Variants in TUSC3 observed in about 807,000 individuals in gnomAD.
TUSC3 encodes dolichyl-diphosphooligosaccharide--protein glycosyltransferase subunit TUSC3.
TUSC3 carries 45 observed loss-of-function variants against 44.8 expected under a neutral mutation model. The observed-to-expected ratio is 1.00, with a 90% CI of 0.79 to 1.29. The LOEUF (loss-of-function observed/expected upper bound fraction) is 1.29. Among genes scored for constraint, TUSC3 ranks in the 50% most tolerant of loss-of-function variants. The pLI is 0.00. For synonymous variants in TUSC3, 212 were observed against 152.9 expected (o/e 1.39, Z -2.85); for missense variants, 519 against 437.9 (o/e 1.19, Z -1.65).
chr8:15,741,077 G>A (rs1290944871), intron 7 of TUSC3, among the ~76,000 whole-genome samples: 1 of 152,170 alleles, frequency 6.6e-6, no homozygotes, highest in East Asian at 1.9e-4. Context: ...ATACTTGGGT[G>A]ACCATAATTA....
At chr8:15,818,940 T>A in the TUSC3 span, among the ~76,000 whole-genome samples, 2 of 152,158 alleles carry the variant, frequency 1.3e-5, no homozygotes, top group African/African-American at 4.8e-5. Flanking sequence ...TCATTCCTTG[T>A]GGGTCTCGTG....
chr8:15,551,271 T>G (rs560478255), intron 1 of TUSC3, among the ~76,000 whole-genome samples: 1 of 151,734 alleles, frequency 6.6e-6, no homozygotes, highest in Non-Finnish European at 1.5e-5. Context: ...GAGTAGACTT[T>G]TAGATCCTTT....
At chr8:15,711,909 A>G (rs1424018611) in intron 6 of TUSC3, among the ~76,000 whole-genome samples, 1 of 151,886 alleles carries the variant, frequency 6.6e-6, no homozygotes. Context: ...TTTTTACTAT[A>G]GTTTCAGGAA....
At chr8:15,844,657 T>C in the TUSC3 span, among the ~76,000 whole-genome samples, 21,733 of 152,136 alleles carry the variant, frequency 0.14, 2,146 homozygotes, top group Non-Finnish European at 0.21. Flanking sequence ...GGTAAAAGCA[T>C]TGTAACCTCC....
At chr8:15,539,354 T>C (rs1211799741), upstream of TUSC3, among the ~76,000 whole-genome samples, 3 of 130,110 alleles carry the variant, frequency 2.3e-5, no homozygotes, top group African/African-American at 8.9e-5. Context: ...TCTTTTTTTT[T>C]TTTTTTTTTT....
intron 5 of TUSC3, among the ~76,000 whole-genome samples, chr8:15,672,400 G>T (rs181763636): frequency 2.4e-4 from 36 of 151,418 alleles, no homozygotes; most frequent in African/African-American, 6.8e-4. Context: ...GCTCTACATG[G>T]ATTAACCTAC....
intron 1 of TUSC3, among the ~76,000 whole-genome samples, chr8:15,587,639 T>C (rs1803654021): frequency 6.6e-6 from 1 of 152,102 alleles, no homozygotes; most frequent in South Asian, 2.1e-4. Context: ...TGTATTTACC[T>C]TACAGTGCTA....
At chr8:15,464,123 A>T (rs946382997) in intron 1 of TUSC3, among the ~76,000 whole-genome samples, 1 of 152,194 alleles carries the variant, frequency 6.6e-6, no homozygotes, top group Non-Finnish European at 1.5e-5. Context: ...AAATTAGCCA[A>T]AATGGTTTAC....
intron 1 of TUSC3, among the ~76,000 whole-genome samples, chr8:15,617,669 T>A (rs28670894): frequency 0.022 from 3,420 of 152,326 alleles, 119 homozygotes; most frequent in African/African-American, 0.078. Context: ...ATGTTATTTG[T>A]GTACAGCTTC....
intron 2 of TUSC3, among the ~76,000 whole-genome samples, chr8:15,526,820 A>C (rs1801379563): frequency 6.6e-6 from 1 of 152,304 alleles, no homozygotes; most frequent in East Asian, 1.9e-4. Flanking sequence ...TTGAAGTCTC[A>C]GTGTTGAGGG....
chr8:15,762,934 C>T (rs1585315615), intron 10 of TUSC3, among the ~76,000 whole-genome samples: 1 of 152,100 alleles, frequency 6.6e-6, no homozygotes, highest in African/African-American at 2.4e-5. Context: ...CCTTATCGTA[C>T]GCTTTATTCG....
intron 2 of TUSC3, among the ~76,000 whole-genome samples, chr8:15,645,322 G>C (rs879588354): frequency 1.3e-5 from 2 of 152,124 alleles, no homozygotes; most frequent in Non-Finnish European, 2.9e-5. Flanking sequence ...ACACATTCCA[G>C]ACAGGGTAGT....
chr8:15,690,573 C>T (rs1808855819), intron 6 of TUSC3, among the ~76,000 whole-genome samples: 1 of 152,050 alleles, frequency 6.6e-6, no homozygotes, highest in Non-Finnish European at 1.5e-5. Context: ...GAAATCTTTG[C>T]CAGATCCCAT....
At chr8:15,781,395 G>A in the TUSC3 span, among the ~76,000 whole-genome samples, 1 of 152,070 alleles carries the variant, frequency 6.6e-6, no homozygotes, top group Non-Finnish European at 1.5e-5. Flanking sequence ...AAACACAGCA[G>A]TTTGGACAAA....
chr8:15,756,409 G>C (rs925944592), intron 9 of TUSC3, among the ~76,000 whole-genome samples: 4 of 152,034 alleles, frequency 2.6e-5, no homozygotes, highest in African/African-American at 9.7e-5. Flanking sequence ...TCAATAAAAA[G>C]TACTCACTTT....
At chr8:15,726,720 C>T (rs911922131) in intron 6 of TUSC3, among the ~76,000 whole-genome samples, 13 of 152,110 alleles carry the variant, frequency 8.5e-5, no homozygotes, top group African/African-American at 2.7e-4. Context: ...GCAGGATAAT[C>T]GTTTGAACCC....
At chr8:15,826,844 CT>C in the TUSC3 span, among the ~76,000 whole-genome samples, 1 of 152,066 alleles carries the variant, frequency 6.6e-6, no homozygotes, top group East Asian at 1.9e-4. Flanking sequence ...GAGGGGGCAT[CT>C]TATGTGTTTG....
chr8:15,436,335 G>C (rs1393285255), intron 1 of TUSC3, among the ~76,000 whole-genome samples: 2 of 152,176 alleles, frequency 1.3e-5, no homozygotes, highest in African/African-American at 4.8e-5. Flanking sequence ...TTTGTAATGA[G>C]AGCATGTGGG....
chr8:15,530,558 G>C (rs1801436158), intron 2 of TUSC3, among the ~76,000 whole-genome samples: 1 of 152,150 alleles, frequency 6.6e-6, no homozygotes, highest in African/African-American at 2.4e-5. Flanking sequence ...GCTAGTAAGA[G>C]ACAGAGCAAG....
Sources: gnomAD v4.1 joint callset for allele counts (sites outside exome capture counted in the v4.1 genomes callset) on GRCh38, gnomAD v4.1.1 for gene constraint, MANE v1.5 for transcripts, NCBI Gene and HGNC (gene_info 2026-07-23, HGNC 2026-07-21) for gene names.